ITGA5: variants seen among roughly 807,000 people sequenced by gnomAD.
The protein encoded by ITGA5 is integrin alpha-5.
ITGA5 carries 55 observed loss-of-function variants against 146.3 expected under a neutral mutation model. That is an observed-to-expected ratio of 0.38 (90% CI 0.30 to 0.47). The LOEUF (loss-of-function observed/expected upper bound fraction) is 0.47, where lower values mean the gene tolerates loss of function less well. Ranked by LOEUF, ITGA5 falls within the 20% of genes least tolerant of loss-of-function variation. The pLI is 0.99. For synonymous variants in ITGA5, 500 were observed against 531.8 expected (o/e 0.94, Z 0.82); for missense variants, 1,131 against 1,329.0 (o/e 0.85, Z 2.32).
Position 54,409,305 on chromosome 12 carries a change from G to T in ITGA5, c.510C>A (p.Ser170Arg), listed in dbSNP as rs371880807. The T allele has an allele frequency of 4.3e-6, 7 of 1,613,790 alleles. No homozygotes were observed. The highest frequency in any genetic ancestry group is 2.2e-5 in the East Asian group (1 of 44,882). The change falls in exon 4 of 30, where the codon AGC becomes AGA. Residue 170 changes from serine (S) to arginine (R), a missense_variant. Transcript: ENST00000293379. This position sits in a 1 kb window ranked among gnomAD's most constrained non-coding sequence, Gnocchi z 4.7. ...AGAGGTAGCAGGTGCCCACGGGGTC[G>T]CTCAGTGGCTCCTTCTCTGTGCGCC... ...YSWRTEKEPL[S>R]DPVGTCYLST...
chr12:54,405,513 TTCCTTG>T, intron 11 of ITGA5, 139 bp from the exon 12 acceptor site: 2 of 1,021,712 alleles, frequency 2.0e-6, no homozygotes, highest in Non-Finnish European at 2.9e-6. Context: ...TCTCAGCTCT[TTCCTTG>T]TCCCTGAGCA....
chr12:54,401,986 T>G lies in ITGA5; in HGVS notation c.2226+15A>C. 3 of 1,613,742 alleles carry G rather than the reference T, an allele frequency of 1.9e-6. No individual in the cohort carries two copies. Among genetic ancestry groups the G allele is most frequent in the Non-Finnish European group, 2.5e-6 (3 of 1,179,646 alleles). ...TGCTCTCCCTCTGTCCCATCCTCTT[T>G]CATCCCAAACTTACACTGGCTCCTG... On this transcript the variant is annotated intron_variant, in intron 21 of 29. Transcript: ENST00000293379. This position sits in a 1 kb window ranked among gnomAD's most constrained non-coding sequence, Gnocchi z 5.0.
intron 1 of ITGA5, among the ~76,000 whole-genome samples, chr12:54,418,599 C>T (rs1196333545): frequency 6.6e-6 from 1 of 151,928 alleles, no homozygotes; most frequent in East Asian, 1.9e-4. Flanking sequence ...TTCCCGGCCT[C>T]TGCGCCCCCT....
In ITGA5 at chr12:54,404,733, C is replaced by T; in HGVS notation, c.1387G>A (p.Gly463Ser). 3 of 1,614,118 alleles carry T rather than the reference C, an allele frequency of 1.9e-6. No homozygotes were observed. The highest frequency in any genetic ancestry group is 2.5e-6 in the Non-Finnish European group (3 of 1,180,018). ...TATCCATTGCCATCCAGGTCTCGGC[C>T]TCCTCGAAGGGCAGAGCCAAAGAAG... ...PDFFGSALRG[G>S]RDLDGNGYPD... Residue 463 changes from glycine to serine, a missense_variant, in exon 13 of 30, where the codon GGC becomes AGC. Gly to Ser is a moderately conservative substitution (Grantham distance 56). Coordinates refer to ENST00000293379, the MANE Select transcript of ITGA5 (RefSeq NM_002205.5).
Position 54,396,322 on chromosome 12 carries a change from G to C in ITGA5, c.3121C>G (p.Leu1041Val). The change falls in exon 30 of 30, where the codon CTC becomes GTC. Residue 1041 changes from leucine to valine, a missense_variant. Transcript: ENST00000293379. ...PYGTAMEKAQ[L>V]KPPATSDA ...GCATCAGAGGTGGCTGGAGGCTTGA[G>C]CTGAGCTTTTTCCATGGCGGTGCCA... 6.2e-7 allele frequency: 1 copy of C among 1,614,142 alleles called. No individual in the cohort carries two copies. Among genetic ancestry groups the C allele is most frequent in the Non-Finnish European group, 8.5e-7 (1 of 1,179,966 alleles).
intron 1 of ITGA5, among the ~76,000 whole-genome samples, chr12:54,414,885 A>T (rs912203605): frequency 1.3e-5 from 2 of 151,936 alleles, no homozygotes; most frequent in African/African-American, 4.8e-5. Flanking sequence ...GTGGTGGCTC[A>T]CGCTTGTAAT....
chr12:54,396,202 A>G lies in ITGA5; in HGVS notation c.*91T>C. 1 of 1,033,586 alleles carries G rather than the reference A, an allele frequency of 9.7e-7. No individual in the cohort carries two copies. The highest frequency in any genetic ancestry group is 1.5e-6 in the Non-Finnish European group (1 of 670,006). 64.0% of individuals were successfully genotyped at this position (1,033,586 alleles called of 1,614,324 possible). Reference sequence around the variant, plus strand: ...GAGGAGCTTCTCCCTGGCCGTCAGCACCTTCAAGAAGTACCCAGACCCCTC... The same window carrying G: ...GAGGAGCTTCTCCCTGGCCGTCAGCGCCTTCAAGAAGTACCCAGACCCCTC... On this transcript the variant is annotated 3_prime_UTR_variant, in exon 30 of 30. Coordinates refer to ENST00000293379, the MANE Select transcript of ITGA5 (RefSeq NM_002205.5).
Position 54,411,944 on chromosome 12 carries a change from G to A in ITGA5, c.239C>T (p.Ala80Val). The A allele has an allele frequency of 6.3e-7, 1 of 1,599,500 alleles. No individual in the cohort carries two copies. The highest frequency in any genetic ancestry group is 8.5e-7 in the Non-Finnish European group (1 of 1,172,522). ...TGGCTGGCTGGTATTAGCCTTGGGT[G>A]CTCCCACCAGCACACTGACCCTGTG... ...GTDGVSVLVG[A>V]PKANTSQPGV... is the part of the protein sequence containing the mutation. Residue 80 changes from alanine to valine, a missense_variant, in exon 2 of 30, where the codon GCA becomes GTA. Physicochemically the swap from Ala to Val is moderately conservative, Grantham distance 64. Transcript: ENST00000293379.
chr12:54,407,940 C>G, intron 7 of ITGA5, 64 bp from the exon 8 acceptor site: 1 of 1,530,750 alleles, frequency 6.5e-7, no homozygotes, highest in Non-Finnish European at 8.9e-7. Context: ...TCTGGCCTAT[C>G]CACCAATCCC....
chr12:54,408,673 G>C, intron 6 of ITGA5, 83 bp downstream of exon 6: 1 of 1,264,230 alleles, frequency 7.9e-7, no homozygotes, highest in Non-Finnish European at 1.1e-6. Flanking sequence ...TTGTGCCACT[G>C]CACTCCAGCC....
chr12:54,405,301 T>G lies in ITGA5; in HGVS notation c.1090A>C (p.Arg364=), dbSNP rs371089429. The G allele has an allele frequency of 6.0e-5, 97 of 1,613,448 alleles. No homozygotes were observed. The highest frequency in any genetic ancestry group is 1.7e-5 in the Admixed American group (1 of 59,986). Residue 364 remains arginine, a synonymous_variant, in exon 12 of 30, where the codon AGG becomes CGG. Transcript: ENST00000293379. The part of the protein sequence containing the change: ...TPDGRPQEVG[R]VYVYLQHPAG... ...GGGTGCTGCAGGTAGACGTAGACCC[T>G]GCCCACCTCCTGAGGCCGCCCGTCA...
intron 28 of ITGA5, 123 bp from the exon 29 acceptor site, chr12:54,397,610 G>A (rs1955728590): frequency 2.5e-6 from 3 of 1,184,590 alleles, no homozygotes; most frequent in Non-Finnish European, 3.6e-6. Flanking sequence ...GGAACAGGGA[G>A]GGCCTGTGTC....
intron 13 of ITGA5, 40 bp downstream of exon 13, chr12:54,404,663 G>T (rs369902707): frequency 6.3e-7 from 1 of 1,575,330 alleles, no homozygotes; most frequent in African/African-American, 1.4e-5. Flanking sequence ...TCAGTGACCA[G>T]GGAATTTTAA....
intron 9 of ITGA5, 73 bp from the exon 10 acceptor site, chr12:54,405,999 C>T: frequency 7.6e-7 from 1 of 1,313,542 alleles, no homozygotes. Flanking sequence ...CAGATGTGTA[C>T]AGGACACCCA....
chr12:54,401,808 C>G lies in ITGA5; in HGVS notation c.2274G>C (p.Lys758Asn). The change falls in exon 22 of 30, where the codon AAG becomes AAC. Residue 758 changes from lysine to asparagine, a missense_variant. Lys to Asn is a moderately conservative substitution (Grantham distance 94). Coordinates refer to ENST00000293379, the MANE Select transcript of ITGA5 (RefSeq NM_002205.5). The surrounding 1 kb of genome is among the most constrained non-coding windows in gnomAD (Gnocchi z 5.0). ...TCTGGAAGTCAAACTGGATGGTTTT[C>G]TTAGTGTCCCGGAGATGAGGGACTG... ...RFTVPHLRDT[K>N]KTIQFDFQIL... 6.2e-7 allele frequency: 1 copy of G among 1,614,178 alleles called. No homozygotes were observed.
intron 1 of ITGA5, among the ~76,000 whole-genome samples, chr12:54,415,095 C>T (rs564118364): frequency 1.7e-4 from 26 of 152,232 alleles, no homozygotes; most frequent in African/African-American, 5.1e-4. Flanking sequence ...TTGCGGTGAG[C>T]CGAGATTGCG....
rs1461550344 is a variant in ITGA5, at chr12:54,395,779, A to T, written c.*514T>A. The T allele has an allele frequency of 6.4e-6, 1 of 157,318 alleles. No homozygotes were observed. Among genetic ancestry groups the T allele is most frequent in the African/African-American group, 2.4e-5 (1 of 41,420 alleles). The allele number at this position is 157,318 out of a possible 1,614,324, so 9.7% of individuals were successfully genotyped here. A position where few individuals can be genotyped will look rare whatever the true frequency, so the allele number is the denominator to read the frequency against. The stretch of plus-strand genomic sequence containing the variant: ...GAGCTGGTCCTGGGGCACCATGCAT[A>T]GTTAGTGTTCTTTGTTGGCCCACCA... On this transcript the variant is annotated 3_prime_UTR_variant, in exon 30 of 30. Coordinates refer to ENST00000293379, the MANE Select transcript of ITGA5 (RefSeq NM_002205.5).
At position 54,396,316 on chromosome 12, in the gene ITGA5, G is replaced by A; in HGVS notation, c.3127C>T (p.Pro1043Ser). The stretch of plus-strand genomic sequence containing the variant: ...ACTCAGGCATCAGAGGTGGCTGGAG[G>A]CTTGAGCTGAGCTTTTTCCATGGCG... ...GTAMEKAQLKPPATSDA is the reference protein window; with the variant it reads ...GTAMEKAQLKSPATSDA Residue 1043 changes from proline to serine, a missense_variant, in exon 30 of 30, where the codon CCT (proline) becomes TCT (serine). Physicochemically the swap from Pro to Ser is moderately conservative, Grantham distance 74. This residue lies in a region of ITGA5 where 889 missense variants were observed against 1,021.5 expected (regional missense o/e 0.87). Coordinates refer to ENST00000293379, the MANE Select transcript of ITGA5 (RefSeq NM_002205.5). 5.0e-6 allele frequency: 8 copies of A among 1,614,044 alleles called. No individual in the cohort carries two copies. Among genetic ancestry groups the A allele is most frequent in the Non-Finnish European group, 6.8e-6 (8 of 1,179,868 alleles).
Position 54,403,924 on chromosome 12 carries a change from A to C in ITGA5, c.1608T>G (p.Val536=). The change falls in exon 16 of 30, where the codon GTT becomes GTG. Residue 536 remains valine (V), a synonymous_variant. Coordinates refer to ENST00000293379, the MANE Select transcript of ITGA5 (RefSeq NM_002205.5). This position sits in a 1 kb window ranked among gnomAD's most constrained non-coding sequence, Gnocchi z 4.9. ...AGTCTCCCTCACCAATGGAGTCAGCAACGTGTTTTCCAGAAGCATTGAGGC... is the reference window on the plus strand; with the variant it reads ...AGTCTCCCTCACCAATGGAGTCAGCCACGTGTTTTCCAGAAGCATTGAGGC... The part of the protein sequence containing the change: ...SFCLNASGKH[V]ADSIGFTVEL... The C allele has an allele frequency of 6.2e-7, 1 of 1,614,190 alleles. No homozygotes were observed. Among genetic ancestry groups the C allele is most frequent in the Non-Finnish European group, 8.5e-7 (1 of 1,180,042 alleles).
Sources: allele counts gnomAD v4.1 joint callset (sites outside exome capture counted in the v4.1 genomes callset), GRCh38; gene constraint gnomAD v4.1.1; regional missense constraint gnomAD v4.1.1; non-coding constraint Gnocchi (gnomAD v3.1); transcripts MANE v1.5; gene names NCBI Gene and HGNC (gene_info 2026-07-23, HGNC 2026-07-21).